The following KSR2 variants were observed in gnomAD, a reference collection of about 807,000 sequenced individuals.
The protein encoded by KSR2 is kinase suppressor of ras 2.
KSR2 carries 25 observed loss-of-function variants against 107.8 expected under a neutral mutation model. That is an observed-to-expected ratio of 0.23 (90% CI 0.17 to 0.32). The LOEUF is 0.32. Among genes scored for constraint, KSR2 ranks in the 10% least tolerant of loss-of-function variants. The pLI is 1.00. For missense variants in KSR2, 887 were observed against 1,268.9 expected, an observed-to-expected ratio of 0.70 and a Z score of 4.57; for synonymous variants, 480 against 507.0, an observed-to-expected ratio of 0.95 and a Z score of 0.71.
chr12:117,861,201 C>T (rs1173736700), intron 1 of KSR2, among the ~76,000 whole-genome samples: 1 of 152,118 alleles, frequency 6.6e-6, no homozygotes, highest in Non-Finnish European at 1.5e-5. Context: ...CTACAGCCAA[C>T]AAAGAAACTT....
intron 3 of KSR2, among the ~76,000 whole-genome samples, chr12:117,790,742 T>C (rs916329041): frequency 8.5e-5 from 13 of 152,156 alleles, no homozygotes; most frequent in African/African-American, 3.1e-4. Flanking sequence ...TGGTTTATTT[T>C]CCCTTCACGG....
At position 117,855,289 on chromosome 12, in the gene KSR2, T is replaced by C. The variant is rs1011353773; in HGVS notation, c.472+139A>G. Reference sequence around the variant, plus strand: ...CTCCAAATCCCAGGTCCACGCTGCCTCTTCCTGCGTTTCGGATTTGCCCCC... The same window carrying C: ...CTCCAAATCCCAGGTCCACGCTGCCCCTTCCTGCGTTTCGGATTTGCCCCC... On this transcript the variant is annotated intron_variant, in intron 3 of 19. Transcript: ENST00000339824. The C allele has an allele frequency of 4.6e-6, 5 of 1,093,452 alleles. No homozygotes were observed. The African/African-American group carries it at 7.8e-5, about 17-fold the overall frequency. The allele number at this position is 1,093,452 out of a possible 1,614,324, so 67.7% of individuals were successfully genotyped here. A position where few individuals can be genotyped will look rare whatever the true frequency, so the allele number is the denominator to read the frequency against.
intron 5 of KSR2, among the ~76,000 whole-genome samples, chr12:117,638,340 A>G (rs10735109): frequency 0.91 from 139,011 of 152,162 alleles, 63,726 homozygotes; most frequent in East Asian, 1. Context: ...CGACTGAAGT[A>G]ATAACATGAA....
intron 1 of KSR2, among the ~76,000 whole-genome samples, chr12:117,884,431 A>G (rs1030748578): frequency 1.1e-4 from 17 of 152,326 alleles, no homozygotes; most frequent in South Asian, 1.0e-3. Flanking sequence ...ATCCTCCACC[A>G]TGCCAGCTCT....
chr12:117,902,665 G>A lies in KSR2; in HGVS notation c.181-42234C>T, dbSNP rs929876954. On this transcript the variant is annotated intron_variant, in intron 1 of 19. Coordinates refer to ENST00000339824, the MANE Select transcript of KSR2 (RefSeq NM_173598.6). ...TGTAGGTGATGGGTTGATGGGTGCA[G>A]CAAACCACCATGGCACGCGTATACC... Among the ~76,000 whole-genome samples, 17 of 151,942 alleles carry A rather than the reference G, an allele frequency of 1.1e-4. 1 individual carries two copies. The highest frequency in any genetic ancestry group is 1.1e-3 in the Admixed American group (17 of 15,252).
rs1870943294 is a variant in KSR2 at position 117,462,359 on chromosome 12, T to C, written c.*4840A>G. The C allele has an allele frequency of 6.7e-6, 1 of 149,746 alleles. No homozygotes were observed. Among genetic ancestry groups the C allele is most frequent in the African/African-American group, 2.5e-5 (1 of 40,566 alleles). The allele number at this position is 149,746 out of a possible 1,614,324, so 9.3% of individuals were successfully genotyped here. On this transcript the variant is annotated 3_prime_UTR_variant, in exon 20 of 20. Coordinates refer to ENST00000339824, the MANE Select transcript of KSR2 (RefSeq NM_173598.6). ...TAGTTAAGATGAGGTCATACTGAAA[T>C]AGGGTGGGCCCTTAATCCAATGTGA... is the stretch of plus-strand genomic sequence containing the variant.
At chr12:117,756,302 C>T (rs933666007) in intron 4 of KSR2, among the ~76,000 whole-genome samples, 1 of 152,214 alleles carries the variant, frequency 6.6e-6, no homozygotes, top group Non-Finnish European at 1.5e-5. Context: ...AAAGAACAGG[C>T]TGACTCTCTT....
At chr12:117,507,407 C>A (rs531490079) in intron 14 of KSR2, among the ~76,000 whole-genome samples, 7 of 152,330 alleles carry the variant, frequency 4.6e-5, no homozygotes, top group Non-Finnish European at 8.8e-5. Context: ...TGAGACTTGA[C>A]CCCAAAGGAC....
At chr12:117,783,063 T>C (rs1332147090) in intron 3 of KSR2, among the ~76,000 whole-genome samples, 2 of 152,234 alleles carry the variant, frequency 1.3e-5, no homozygotes, top group Admixed American at 6.5e-5. Flanking sequence ...TGTCAATTGC[T>C]TTGCTGTCAG....
chr12:117,531,693 T>C lies in KSR2; in HGVS notation c.1702A>G (p.Lys568Glu). 6.2e-7 allele frequency: 1 copy of C among 1,601,690 alleles called. No individual in the cohort carries two copies. Among genetic ancestry groups the C allele is most frequent in the Non-Finnish European group, 8.5e-7 (1 of 1,175,138 alleles). ...NFNLPASHYY[K>E]YKQQFIFPDV... ...GGGAAGATGAACTGCTGCTTGTATT[T>C]GTAGTAGTGGGATGCTTGCAAAAGA... The change falls in exon 11 of 20, where the codon AAA (lysine) becomes GAA (glutamate). Residue 568 changes from lysine to glutamate, a missense_variant. Around this residue, in one of 8 missense-constraint regions of KSR2, gnomAD observed 50 missense variants for 43.4 expected, o/e 1.15. Coordinates refer to ENST00000339824, the MANE Select transcript of KSR2 (RefSeq NM_173598.6).
At chr12:117,732,025 G>T (rs571050961) in intron 4 of KSR2, among the ~76,000 whole-genome samples, 72 of 131,056 alleles carry the variant, frequency 5.5e-4, no homozygotes, top group Non-Finnish European at 7.1e-4. Flanking sequence ...ACCCAAGAAT[G>T]ATCAACAAAT....
At position 117,454,937 on chromosome 12, in the gene KSR2, G is replaced by T. The variant is rs1431773398; in HGVS notation, c.*12262C>A. 6.6e-6 allele frequency: 1 copy of T among 151,946 alleles called. No individual in the cohort carries two copies. The highest frequency in any genetic ancestry group is 2.4e-5 in the African/African-American group (1 of 41,326). 9.4% of individuals were successfully genotyped at this position (151,946 alleles called of 1,614,324 possible). On this transcript the variant is annotated 3_prime_UTR_variant, in exon 20 of 20. Coordinates refer to ENST00000339824, the MANE Select transcript of KSR2 (RefSeq NM_173598.6). ...ACCCATCTATAGCCAAGATGCCCAT[G>T]GACTTCAGGACCCAATGCAGGGCAC...
chr12:117,884,495 T>TTAGAAATTTAAAGTTCTAAA (rs1301632381), intron 1 of KSR2, among the ~76,000 whole-genome samples: 1 of 152,184 alleles, frequency 6.6e-6, no homozygotes, highest in African/African-American at 2.4e-5. Context: ...TTCTCTTGCT[T>TTAGAAATTTAAAGTTCTAAA]GTAGCAGCAA....
At chr12:117,568,826 T>C (rs1442315941) in intron 7 of KSR2, among the ~76,000 whole-genome samples, 1 of 152,216 alleles carries the variant, frequency 6.6e-6, no homozygotes. Context: ...TTTTTGCTTA[T>C]CATAGGTAAA....
intron 2 of KSR2, 85 bp from the exon 3 acceptor site, chr12:117,855,663 G>C: frequency 7.2e-7 from 1 of 1,381,142 alleles, no homozygotes; most frequent in Non-Finnish European, 1.0e-6. Flanking sequence ...GCCTAGAGGA[G>C]AACACTCCGC....
intron 3 of KSR2, among the ~76,000 whole-genome samples, chr12:117,810,112 C>G (rs925029971): frequency 6.6e-6 from 1 of 152,114 alleles, no homozygotes; most frequent in Non-Finnish European, 1.5e-5. Context: ...GAGCTGCTAA[C>G]CAATGGAACC....
chr12:117,857,659 G>A (rs758757737), intron 2 of KSR2, among the ~76,000 whole-genome samples: 1 of 152,192 alleles, frequency 6.6e-6, no homozygotes, highest in East Asian at 1.9e-4. Flanking sequence ...TAAGGTTTTT[G>A]ATAGATTTCC....
chr12:117,951,198 G>A (rs1459484298), intron 1 of KSR2, among the ~76,000 whole-genome samples: 1 of 152,098 alleles, frequency 6.6e-6, no homozygotes, highest in Non-Finnish European at 1.5e-5. Flanking sequence ...GTGAGCCACC[G>A]CGCCCGGCGG....
At position 117,820,446 on chromosome 12, in the gene KSR2, G is replaced by A. The variant is rs147567752; in HGVS notation, c.472+34982C>T. On this transcript the variant is annotated intron_variant, in intron 3 of 19. Transcript: ENST00000339824. ...TCAGCCCAGGACAGACCTGCGGATCGTTTTCAGAGCTCACTGGAATATGTT... is the reference window on the plus strand; with the variant it reads ...TCAGCCCAGGACAGACCTGCGGATCATTTTCAGAGCTCACTGGAATATGTT... Among the ~76,000 whole-genome samples the A allele has an allele frequency of 2.4e-3, 370 of 152,310 alleles. 1 individual carries two copies. Among genetic ancestry groups the A allele is most frequent in the Middle Eastern group, 3.4e-3 (1 of 294 alleles).
Sources: allele counts gnomAD v4.1 joint callset (sites outside exome capture counted in the v4.1 genomes callset), GRCh38; gene constraint gnomAD v4.1.1; regional missense constraint gnomAD v4.1.1; transcripts MANE v1.5; gene names NCBI Gene and HGNC (gene_info 2026-07-23, HGNC 2026-07-21).